Variants in FBXW7 observed in about 807,000 individuals in gnomAD.
The protein encoded by FBXW7 is F-box and WD repeat domain containing 7, also known as F-box/WD repeat-containing protein 7.
In FBXW7, 11 loss-of-function variants were observed where a neutral mutation model predicts 86.3. The ratio of observed to expected loss-of-function variants is 0.13; its 90% CI spans 0.08 to 0.21. The LOEUF (loss-of-function observed/expected upper bound fraction) is 0.21, where lower values mean the gene tolerates loss of function less well. FBXW7 is among the 10% of genes least tolerant of loss of function. FBXW7 has a pLI of 1.00. For missense variants in FBXW7, 488 were observed against 847.4 expected (o/e 0.58, Z 5.27); for synonymous variants, 313 against 297.9 (o/e 1.05, Z -0.52).
At chr4:152,335,265 T>C (rs1203362394) in intron 7 of FBXW7, among the ~76,000 whole-genome samples, 1 of 152,078 alleles carries the variant, frequency 6.6e-6, no homozygotes, top group Admixed American at 6.6e-5. Flanking sequence ...ATGGAATTAG[T>C]ACTCTCATAA....
intron 4 of FBXW7, among the ~76,000 whole-genome samples, chr4:152,391,697 C>G (rs1160027038): frequency 1.3e-5 from 2 of 152,070 alleles, no homozygotes; most frequent in African/African-American, 2.4e-5. Flanking sequence ...TTAATCACCA[C>G]GCCGAAACCC....
intron 2 of FBXW7, among the ~76,000 whole-genome samples, chr4:152,526,766 A>G (rs1749550645): frequency 6.6e-6 from 1 of 152,210 alleles, no homozygotes; most frequent in Non-Finnish European, 1.5e-5. Flanking sequence ...AACTATTCAA[A>G]AACGGATTCT....
intron 2 of FBXW7, among the ~76,000 whole-genome samples, chr4:152,504,594 T>C (rs1479561876): frequency 6.6e-6 from 1 of 152,192 alleles, no homozygotes; most frequent in South Asian, 2.1e-4. Flanking sequence ...CCAATTTAGA[T>C]GCAAATATTA....
intron 4 of FBXW7, among the ~76,000 whole-genome samples, chr4:152,397,695 CAAAAAAA>C (rs397995836): frequency 7.5e-4 from 45 of 60,374 alleles, no homozygotes; most frequent in African/African-American, 1.8e-3. Flanking sequence ...CCTAAGAAGC[CAAAAAAA>C]AAAAAAAAAA....
chr4:152,477,471 T>C (rs79827830), intron 2 of FBXW7, among the ~76,000 whole-genome samples: 2,093 of 152,142 alleles, frequency 0.014, 26 homozygotes, highest in Middle Eastern at 0.037. Context: ...CTCAATCCAA[T>C]TGCAGCATCA....
chr4:152,470,138 T>G (rs1259263654), intron 2 of FBXW7, among the ~76,000 whole-genome samples: 1 of 152,062 alleles, frequency 6.6e-6, no homozygotes, highest in East Asian at 1.9e-4. Flanking sequence ...TGCTAAAACT[T>G]TGGTATATTA....
chr4:152,419,815 A>C (rs1482815226), intron 2 of FBXW7, among the ~76,000 whole-genome samples: 1 of 152,212 alleles, frequency 6.6e-6, no homozygotes, highest in East Asian at 1.9e-4. Context: ...TTATGTGTAA[A>C]AAAAATGTAC....
intron 2 of FBXW7, among the ~76,000 whole-genome samples, chr4:152,511,243 C>T (rs1747935961): frequency 6.6e-6 from 1 of 151,950 alleles, no homozygotes; most frequent in Non-Finnish European, 1.5e-5. Flanking sequence ...AGGATAGCAG[C>T]TTATTTAAAA....
chr4:152,482,700 G>C (rs1744991690), intron 2 of FBXW7, among the ~76,000 whole-genome samples: 1 of 152,100 alleles, frequency 6.6e-6, no homozygotes, highest in African/African-American at 2.4e-5. Context: ...GGTGGGGGGA[G>C]AGATATTTCT....
chr4:152,351,303 A>T (rs1731790705), intron 4 of FBXW7, among the ~76,000 whole-genome samples: 1 of 152,094 alleles, frequency 6.6e-6, no homozygotes, highest in Non-Finnish European at 1.5e-5. Flanking sequence ...CATCACGAAG[A>T]GTTTTCTAAA....
intron 2 of FBXW7, among the ~76,000 whole-genome samples, chr4:152,415,125 A>AG (rs1202385641): frequency 1.3e-5 from 2 of 152,166 alleles, no homozygotes; most frequent in Admixed American, 1.3e-4. Flanking sequence ...GCATAGATAC[A>AG]GTTGTTAAAT....
intron 2 of FBXW7, among the ~76,000 whole-genome samples, chr4:152,527,879 C>T (rs974446130): frequency 3.3e-4 from 50 of 151,374 alleles, no homozygotes; most frequent in East Asian, 9.7e-4. Context: ...CACACACACA[C>T]ACACACACAC....
intron 7 of FBXW7, 128 bp from the exon 8 acceptor site, chr4:152,332,847 T>C: frequency 2.9e-6 from 1 of 343,874 alleles, no homozygotes; most frequent in Non-Finnish European, 4.3e-6. Context: ...TCTAAAATTA[T>C]GAAAGGCAGT....
intron 2 of FBXW7, among the ~76,000 whole-genome samples, chr4:152,435,094 G>C (rs993498505): frequency 2.7e-5 from 4 of 149,116 alleles, no homozygotes; most frequent in Admixed American, 2.7e-4. Flanking sequence ...GAGGGGAGGG[G>C]AGGGGAGGGG....
intron 4 of FBXW7, among the ~76,000 whole-genome samples, chr4:152,372,990 C>A (rs1243922982): frequency 2.0e-5 from 3 of 151,960 alleles, no homozygotes; most frequent in Non-Finnish European, 4.4e-5. Context: ...TTGAGACCAT[C>A]ATAAATTGTT....
chr4:152,439,176 A>G lies in FBXW7; in HGVS notation c.-119-26647T>C, dbSNP rs1007186116. ...CTAGGCATTCCACAATGTTAAAACC[A>G]TCTGGTCAAGCTGTGAGTACAGATA... On this transcript the variant is annotated intron_variant, in intron 2 of 13. Coordinates refer to ENST00000281708, the MANE Select transcript of FBXW7 (RefSeq NM_001349798.2). Among the ~76,000 whole-genome samples, 5 of 152,182 alleles carry G rather than the reference A, an allele frequency of 3.3e-5. No homozygotes were observed. The East Asian group carries it at 9.6e-4, about 29-fold the overall frequency.
intron 2 of FBXW7, among the ~76,000 whole-genome samples, chr4:152,528,407 C>T (rs1043942960): frequency 6.6e-6 from 1 of 152,178 alleles, no homozygotes; most frequent in African/African-American, 2.4e-5. Flanking sequence ...TTTTCAACTA[C>T]GTGCATGGCA....
chr4:152,524,542 AATC>A (rs1749318162), intron 2 of FBXW7, among the ~76,000 whole-genome samples: 2 of 152,208 alleles, frequency 1.3e-5, no homozygotes, highest in Admixed American at 6.5e-5. Flanking sequence ...CCAATAATCT[AATC>A]ATCATTTCAA....
intron 2 of FBXW7, among the ~76,000 whole-genome samples, chr4:152,423,380 A>C (rs1161668264): frequency 6.6e-6 from 1 of 152,220 alleles, no homozygotes; most frequent in African/African-American, 2.4e-5. Flanking sequence ...TTGAGCTATT[A>C]GATAATATTT....
Sources: allele counts gnomAD v4.1 joint callset (sites outside exome capture counted in the v4.1 genomes callset), GRCh38; gene constraint gnomAD v4.1.1; transcripts MANE v1.5; gene names NCBI Gene and HGNC (gene_info 2026-07-23, HGNC 2026-07-21).